Variants in SH3GL3 observed in about 807,000 individuals in gnomAD.
SH3GL3 encodes the protein endophilin-A3.
In SH3GL3, 33 loss-of-function variants were observed where a neutral mutation model predicts 47.7. That is an observed-to-expected ratio of 0.69 (90% CI 0.52 to 0.92). The LOEUF is 0.92. Among genes scored for constraint, SH3GL3 ranks in the 40% least tolerant of loss-of-function variants. The pLI, the probability that SH3GL3 is intolerant of heterozygous loss-of-function variation, is 0.00. For synonymous variants in SH3GL3, 155 were observed against 148.8 expected (o/e 1.04, Z -0.30); for missense variants, 363 against 417.8 (o/e 0.87, Z 1.14).
At chr15:83,483,205 G>A (rs1228663627) in intron 1 of SH3GL3, among the ~76,000 whole-genome samples, 1 of 152,164 alleles carries the variant, frequency 6.6e-6, no homozygotes. Context: ...GCCCAGACAG[G>A]GTGAGAAGGG....
rs1185919107 is a variant in SH3GL3, at chr15:83,469,899, A to G, written c.45+22321A>G. Among the ~76,000 whole-genome samples the G allele has an allele frequency of 1.3e-5, 2 of 152,156 alleles. 1 individual carries two copies. Among genetic ancestry groups the G allele is most frequent in the Non-Finnish European group, 2.9e-5 (2 of 68,026 alleles). On this transcript the variant is annotated intron_variant, in intron 1 of 8. Coordinates refer to ENST00000427482, the MANE Select transcript of SH3GL3 (RefSeq NM_003027.5). The stretch of plus-strand genomic sequence containing the variant: ...ACTGATTTTCTGTCTAGTTCTATTA[A>G]TTGTTGAGATAAGTCTCCAACTATA...
At chr15:83,556,620 G>A (rs754034420) in intron 1 of SH3GL3, among the ~76,000 whole-genome samples, 3 of 152,200 alleles carry the variant, frequency 2.0e-5, no homozygotes, top group Non-Finnish European at 4.4e-5. Context: ...ATTTTAAAAC[G>A]TGGATCTACA....
At chr15:83,613,974 C>G (rs1160850954) in intron 8 of SH3GL3, among the ~76,000 whole-genome samples, 1 of 151,998 alleles carries the variant, frequency 6.6e-6, no homozygotes, top group Non-Finnish European at 1.5e-5. Context: ...GCACCTGACC[C>G]CTTCTCTGTT....
At chr15:83,530,673 A>G (rs948799741) in intron 1 of SH3GL3, among the ~76,000 whole-genome samples, 5 of 151,632 alleles carry the variant, frequency 3.3e-5, no homozygotes, top group African/African-American at 1.2e-4. Context: ...TATGTCCCAT[A>G]TAATTCTTGT....
At chr15:83,495,343 A>G (rs1019398711) in intron 1 of SH3GL3, among the ~76,000 whole-genome samples, 3 of 152,200 alleles carry the variant, frequency 2.0e-5, no homozygotes, top group African/African-American at 7.2e-5. Context: ...AGGCAACTCT[A>G]GTCTTTGCAA....
chr15:83,548,025 T>A (rs1287872855), intron 1 of SH3GL3, among the ~76,000 whole-genome samples: 2 of 151,712 alleles, frequency 1.3e-5, no homozygotes, highest in African/African-American at 4.8e-5. Flanking sequence ...TTATAATTAT[T>A]TAAAAAGCAA....
At chr15:83,573,005 G>T (rs1313449409) in intron 5 of SH3GL3, among the ~76,000 whole-genome samples, 1 of 152,196 alleles carries the variant, frequency 6.6e-6, no homozygotes, top group Non-Finnish European at 1.5e-5. Context: ...TAACTTTATA[G>T]TGGATTTCTT....
intron 1 of SH3GL3, among the ~76,000 whole-genome samples, chr15:83,459,236 AC>A (rs1481678163): frequency 6.6e-6 from 1 of 152,182 alleles, no homozygotes; most frequent in Non-Finnish European, 1.5e-5. Context: ...GATGGTGTCC[AC>A]CCAGATTGAG....
In SH3GL3 at chr15:83,447,745, C is replaced by A. The variant is rs1012710009; in HGVS notation, c.45+167C>A. 6.6e-6 allele frequency among the ~76,000 whole-genome samples: 1 copy of A among 152,210 alleles called. No homozygotes were observed. The highest frequency in any genetic ancestry group is 2.4e-5 in the African/African-American group (1 of 41,458). On this transcript the variant is annotated intron_variant, in intron 1 of 8. Coordinates refer to ENST00000427482, the MANE Select transcript of SH3GL3 (RefSeq NM_003027.5). The surrounding 1 kb of genome is among the most constrained non-coding windows in gnomAD (Gnocchi z 5.1). ...GGGGTGAGGGGCCGCCTGCTCTCTCCTCGGCGTCTTGGCGCCTTCTCCTTC... is the reference window on the plus strand; with the variant it reads ...GGGGTGAGGGGCCGCCTGCTCTCTCATCGGCGTCTTGGCGCCTTCTCCTTC...
chr15:83,483,784 G>A (rs554860135), intron 1 of SH3GL3, among the ~76,000 whole-genome samples: 1 of 152,262 alleles, frequency 6.6e-6, no homozygotes, highest in Non-Finnish European at 1.5e-5. Flanking sequence ...CCCTTTTTAT[G>A]TCCTACTGTG....
At chr15:83,577,907 T>C (rs1308105425) in intron 6 of SH3GL3, among the ~76,000 whole-genome samples, 2 of 152,250 alleles carry the variant, frequency 1.3e-5, no homozygotes, top group African/African-American at 4.8e-5. Flanking sequence ...AGAACAGCTC[T>C]CTTATCTGGG....
the SH3GL3 span, among the ~76,000 whole-genome samples, chr15:83,625,182 G>T: frequency 6.6e-6 from 1 of 152,158 alleles, no homozygotes; most frequent in Non-Finnish European, 1.5e-5. Context: ...TCCCAGAGAA[G>T]CTGTGTTATT....
chr15:83,546,937 C>A (rs2044430774), intron 1 of SH3GL3, among the ~76,000 whole-genome samples: 1 of 152,184 alleles, frequency 6.6e-6, no homozygotes, highest in South Asian at 2.1e-4. Context: ...AGACAAGGTC[C>A]TCTTTACACT....
intron 2 of SH3GL3, among the ~76,000 whole-genome samples, chr15:83,559,973 A>T (rs1434814532): frequency 6.6e-6 from 1 of 152,236 alleles, no homozygotes; most frequent in Admixed American, 6.5e-5. Context: ...AAATGGTATC[A>T]TCTCTGTCCC....
chr15:83,617,940 C>G (rs1027272696), intron 8 of SH3GL3, 142 bp from the exon 9 acceptor site: 2 of 631,500 alleles, frequency 3.2e-6, no homozygotes. Context: ...CAAACGGCAC[C>G]GTGAGCTGGG....
intron 1 of SH3GL3, among the ~76,000 whole-genome samples, chr15:83,455,119 GA>G (rs2039906212): frequency 1.9e-5 from 1 of 53,212 alleles, no homozygotes; most frequent in South Asian, 9.4e-4. Context: ...TTTTCTTTAA[GA>G]ATGTTGAATA....
At chr15:83,450,078 A>G (rs1039047755) in intron 1 of SH3GL3, among the ~76,000 whole-genome samples, 1 of 152,236 alleles carries the variant, frequency 6.6e-6, no homozygotes, top group Non-Finnish European at 1.5e-5. Flanking sequence ...TGGCTCAGCC[A>G]CTGACCAGCT....
the SH3GL3 span, among the ~76,000 whole-genome samples, chr15:83,631,968 C>T: frequency 2.0e-5 from 3 of 152,186 alleles, no homozygotes; most frequent in Non-Finnish European, 2.9e-5. Context: ...GCTCTGCTTC[C>T]TCTTGAACGC....
chr15:83,588,191 C>T (rs1381243661), intron 7 of SH3GL3, among the ~76,000 whole-genome samples: 2 of 152,234 alleles, frequency 1.3e-5, no homozygotes, highest in South Asian at 2.1e-4. Flanking sequence ...CTTGGCTCAC[C>T]GTAACCTCTG....
Sources: gnomAD v4.1 joint callset for allele counts (sites outside exome capture counted in the v4.1 genomes callset) on GRCh38, gnomAD v4.1.1 for gene constraint, Gnocchi (gnomAD v3.1) non-coding constraint, MANE v1.5 for transcripts, NCBI Gene and HGNC (gene_info 2026-07-23, HGNC 2026-07-21) for gene names.